EPHB1: variants seen among roughly 807,000 people sequenced by gnomAD.
The protein encoded by EPHB1 is ephrin type-B receptor 1.
A neutral mutation model predicts 94.4 loss-of-function variants in EPHB1; 30 were observed. The ratio of observed to expected loss-of-function variants is 0.32; its 90% CI spans 0.24 to 0.43. The LOEUF (loss-of-function observed/expected upper bound fraction) is 0.43, where lower values mean the gene tolerates loss of function less well. Among genes scored for constraint, EPHB1 ranks in the 20% least tolerant of loss-of-function variants. EPHB1 has a pLI of 1.00. For missense variants in EPHB1, 1,055 were observed against 1,308.3 expected, an observed-to-expected ratio of 0.81 and a Z score of 2.99; for synonymous variants, 522 against 489.1, an observed-to-expected ratio of 1.07 and a Z score of -0.89.
intron 1 of EPHB1, among the ~76,000 whole-genome samples, chr3:134,908,747 G>A (rs2038388759): frequency 6.6e-6 from 1 of 152,136 alleles, no homozygotes; most frequent in South Asian, 2.1e-4. Flanking sequence ...GGAAAGAGAG[G>A]TGAGGAGGGG....
chr3:134,899,187 C>A (rs1293868893), intron 1 of EPHB1, among the ~76,000 whole-genome samples: 1 of 152,270 alleles, frequency 6.6e-6, no homozygotes, highest in South Asian at 2.1e-4. Flanking sequence ...TAGTTAGGAA[C>A]AGAAAAGACA....
At chr3:135,112,684 C>A (rs933067313) in intron 4 of EPHB1, among the ~76,000 whole-genome samples, 6 of 151,630 alleles carry the variant, frequency 4.0e-5, no homozygotes, top group Non-Finnish European at 7.4e-5. Context: ...ATGATGGTTT[C>A]CAGTTTCATC....
chr3:135,248,945 A>G (rs1169149523), intron 14 of EPHB1, among the ~76,000 whole-genome samples: 1 of 152,116 alleles, frequency 6.6e-6, no homozygotes, highest in Non-Finnish European at 1.5e-5. Flanking sequence ...TGAAACTAGG[A>G]AAAACAATGT....
intron 3 of EPHB1, among the ~76,000 whole-genome samples, chr3:135,061,861 C>A (rs1406629912): frequency 6.6e-6 from 1 of 152,064 alleles, no homozygotes; most frequent in Non-Finnish European, 1.5e-5. Context: ...GGTTTTTTGT[C>A]CTTGCGATAG....
intron 3 of EPHB1, among the ~76,000 whole-genome samples, chr3:135,021,141 T>C (rs1488799098): frequency 6.6e-6 from 1 of 152,176 alleles, no homozygotes; most frequent in Non-Finnish European, 1.5e-5. Flanking sequence ...TTTACAGTCT[T>C]TCTTAATTCC....
chr3:135,179,722 G>T, intron 9 of EPHB1, 138 bp from the exon 10 acceptor site: 1 of 911,714 alleles, frequency 1.1e-6, no homozygotes, highest in Non-Finnish European at 1.7e-6. Flanking sequence ...GCAAGAGGAG[G>T]AGAGGCAGAG....
chr3:135,069,846 T>C (rs1937647331), intron 3 of EPHB1, among the ~76,000 whole-genome samples: 1 of 152,078 alleles, frequency 6.6e-6, no homozygotes, highest in Admixed American at 6.5e-5. Flanking sequence ...CTAGAATGGT[T>C]TGATTATGGC....
chr3:134,941,800 AT>A (rs1453301627), intron 2 of EPHB1, among the ~76,000 whole-genome samples: 1,572 of 93,384 alleles, frequency 0.017, 81 homozygotes, highest in Admixed American at 0.13. Context: ...CACACACACA[AT>A]CAGCCAGACT....
intron 1 of EPHB1, among the ~76,000 whole-genome samples, chr3:134,862,812 G>T (rs948733041): frequency 6.6e-6 from 1 of 152,184 alleles, no homozygotes; most frequent in Non-Finnish European, 1.5e-5. Flanking sequence ...TGACCCTCCT[G>T]TTCCTCCTCC....
Position 135,179,935 on chromosome 3 carries a change from A to G in EPHB1, c.1835A>G (p.Lys612Arg), listed in dbSNP as rs757013708. The part of the protein sequence containing the change: ...DPNEAVREFA[K>R]EIDVSFVKIE... ...AACGAAGCTGTCCGGGAGTTTGCCA[A>G]GGAGATTGATGTATCTTTTGTGAAA... The change falls in exon 10 of 16, where the codon AAG becomes AGG. Residue 612 changes from lysine to arginine, a missense_variant. Physicochemically the swap from Lys to Arg is conservative, Grantham distance 26 (BLOSUM62 2). Coordinates refer to ENST00000398015, the MANE Select transcript of EPHB1 (RefSeq NM_004441.5). 2 of 1,613,994 alleles carry G rather than the reference A, an allele frequency of 1.2e-6. No homozygotes were observed. Among genetic ancestry groups the G allele is most frequent in the South Asian group, 2.2e-5 (2 of 91,084 alleles).
intron 3 of EPHB1, among the ~76,000 whole-genome samples, chr3:135,105,489 G>A (rs1312615731): frequency 2.6e-5 from 4 of 152,146 alleles, no homozygotes; most frequent in African/African-American, 9.7e-5. Flanking sequence ...AAGTAGGGTA[G>A]GCAGAATCAA....
chr3:135,154,845 G>A (rs927587434), intron 6 of EPHB1, among the ~76,000 whole-genome samples: 1 of 152,096 alleles, frequency 6.6e-6, no homozygotes, highest in African/African-American at 2.4e-5. Context: ...GATGACAGTG[G>A]GGCATGGGGC....
At chr3:135,138,214 T>C (rs1370661941) in intron 5 of EPHB1, among the ~76,000 whole-genome samples, 1 of 151,986 alleles carries the variant, frequency 6.6e-6, no homozygotes, top group Non-Finnish European at 1.5e-5. Context: ...ACACAACCCA[T>C]TATTTACTTT....
At chr3:135,196,772 G>A (rs936541095) in intron 11 of EPHB1, among the ~76,000 whole-genome samples, 6 of 152,014 alleles carry the variant, frequency 3.9e-5, no homozygotes, top group African/African-American at 7.3e-5. Flanking sequence ...GAGTGGCTAC[G>A]GTTCTAGCCC....
At chr3:134,831,334 C>T (rs1348116872) in intron 1 of EPHB1, among the ~76,000 whole-genome samples, 1 of 152,172 alleles carries the variant, frequency 6.6e-6, no homozygotes, top group Admixed American at 6.5e-5. Flanking sequence ...GGACTCTGAT[C>T]CCACGATTCT....
chr3:134,861,379 G>A (rs2037255078), intron 1 of EPHB1, among the ~76,000 whole-genome samples: 1 of 152,164 alleles, frequency 6.6e-6, no homozygotes, highest in Admixed American at 6.5e-5. Context: ...CCTGTTTCCT[G>A]GCACAGTGGT....
chr3:135,154,136 C>G lies in EPHB1; in HGVS notation c.1298-16C>G, dbSNP rs751289843. On this transcript the variant is annotated splice_polypyrimidine_tract_variant and intron_variant, in intron 5 of 15. Transcript: ENST00000398015. ...GAGTGTCTGTTCAGCTACCCTGTTT[C>G]TTTCTCTCTCCACAGCCCCCTCCAC... is the stretch of plus-strand genomic sequence containing the variant. 1 of 1,613,738 alleles carries G rather than the reference C, an allele frequency of 6.2e-7. No individual in the cohort carries two copies. The highest frequency in any genetic ancestry group is 8.5e-7 in the Non-Finnish European group (1 of 1,179,810).
At chr3:135,036,042 A>C (rs759977877) in intron 3 of EPHB1, among the ~76,000 whole-genome samples, 23 of 152,166 alleles carry the variant, frequency 1.5e-4, no homozygotes, top group Admixed American at 7.2e-4. Context: ...TCGTCTCTCC[A>C]TCCATTCACT....
At position 134,884,671 on chromosome 3, in the gene EPHB1, C is replaced by T. The variant is rs546303343; in HGVS notation, c.59-41145C>T. 8.5e-5 allele frequency among the ~76,000 whole-genome samples: 13 copies of T among 152,134 alleles called. No individual in the cohort carries two copies. In the East Asian group the frequency reaches 2.3e-3, roughly 27 times the overall value. ...TTTCCTTTGAAAAGACTTGAATGAC[C>T]CAGACCACATTTCCTTTGGTTATTC... On this transcript the variant is annotated intron_variant, in intron 1 of 15. Coordinates refer to ENST00000398015, the MANE Select transcript of EPHB1 (RefSeq NM_004441.5).
Sources: gnomAD v4.1 joint callset for allele counts (sites outside exome capture counted in the v4.1 genomes callset) on GRCh38, gnomAD v4.1.1 for gene constraint, MANE v1.5 for transcripts, NCBI Gene and HGNC (gene_info 2026-07-23, HGNC 2026-07-21) for gene names.